SHQ1: variants seen among roughly 807,000 people sequenced by gnomAD.
The protein encoded by SHQ1 is protein SHQ1 homolog.
SHQ1 carries 49 observed loss-of-function variants against 53.8 expected under a neutral mutation model. That is an observed-to-expected ratio of 0.91 (90% CI 0.72 to 1.16). SHQ1 has a LOEUF of 1.16. Among genes scored for constraint, SHQ1 ranks in the 50% most tolerant of loss-of-function variants. The probability of loss-of-function intolerance (pLI) is 0.00; values close to 1 mark genes in which losing one functional copy is unlikely to be tolerated. For missense variants in SHQ1, 738 were observed against 683.1 expected, an observed-to-expected ratio of 1.08 and a Z score of -0.90; for synonymous variants, 243 against 251.0, an observed-to-expected ratio of 0.97 and a Z score of 0.30.
At chr3:72,806,323 A>C (rs1388094893) in intron 9 of SHQ1, among the ~76,000 whole-genome samples, 1 of 152,178 alleles carries the variant, frequency 6.6e-6, no homozygotes, top group East Asian at 1.9e-4. Flanking sequence ...TGGTATGTAA[A>C]ATGGTCAGCA....
intron 10 of SHQ1, among the ~76,000 whole-genome samples, chr3:72,788,499 AG>A (rs562730166): frequency 1.3e-5 from 2 of 148,194 alleles, no homozygotes; most frequent in Non-Finnish European, 3.0e-5. Flanking sequence ...TCCGGGAGGT[AG>A]GGGGGGCGCC....
the SHQ1 span, among the ~76,000 whole-genome samples, chr3:72,729,250 T>G: frequency 6.6e-6 from 1 of 152,196 alleles, no homozygotes; most frequent in Non-Finnish European, 1.5e-5. Context: ...CCCCAGGCTT[T>G]CCTCACCTGG....
chr3:72,811,199 G>T (rs1006846286), intron 9 of SHQ1, among the ~76,000 whole-genome samples: 2 of 152,150 alleles, frequency 1.3e-5, no homozygotes, highest in African/African-American at 4.8e-5. Context: ...GTGTGTGAGT[G>T]TGTGTGCAAA....
chr3:72,738,297 G>T, the SHQ1 span, among the ~76,000 whole-genome samples: 2 of 152,098 alleles, frequency 1.3e-5, no homozygotes, highest in Non-Finnish European at 2.9e-5. Flanking sequence ...ACGAGGCAAG[G>T]TAGAAGAAAG....
chr3:72,768,254 C>G (rs555057059), intron 10 of SHQ1, among the ~76,000 whole-genome samples: 27 of 152,348 alleles, frequency 1.8e-4, no homozygotes, highest in African/African-American at 6.5e-4. Flanking sequence ...AGAGCTGCCT[C>G]TGCTAGCTTT....
intron 6 of SHQ1, among the ~76,000 whole-genome samples, chr3:72,823,664 G>C (rs987575450): frequency 1.3e-5 from 2 of 152,186 alleles, no homozygotes; most frequent in Non-Finnish European, 2.9e-5. Context: ...GTACAAACCG[G>C]GTATACGTGA....
chr3:72,819,304 T>C (rs1009585786), intron 6 of SHQ1, among the ~76,000 whole-genome samples: 1 of 152,210 alleles, frequency 6.6e-6, no homozygotes, highest in African/African-American at 2.4e-5. Context: ...ATTGGATGGC[T>C]TGTCTTGTCA....
In SHQ1 at chr3:72,832,488, A is replaced by T; in HGVS notation, c.487-7T>A. ...TAACATCACTCAGTTCATCCTGAGG[A>T]CACCCAGAAAAGAAAGAATAATTGC... On this transcript the variant is annotated splice_polypyrimidine_tract_variant and splice_region_variant and intron_variant, in intron 4 of 10. Transcript: ENST00000325599. 4 of 1,565,138 alleles carry T rather than the reference A, an allele frequency of 2.6e-6. No homozygotes were observed. Among genetic ancestry groups the T allele is most frequent in the Non-Finnish European group, 3.5e-6 (4 of 1,151,964 alleles).
downstream of SHQ1, among the ~76,000 whole-genome samples, chr3:72,748,567 T>C (rs577150584): frequency 1.3e-5 from 2 of 152,100 alleles, no homozygotes; most frequent in African/African-American, 4.8e-5. Flanking sequence ...GGCACACATC[T>C]GTAGTCCCAG....
intron 5 of SHQ1, among the ~76,000 whole-genome samples, chr3:72,829,582 G>A (rs1575729805): frequency 6.6e-6 from 1 of 152,300 alleles, no homozygotes; most frequent in African/African-American, 2.4e-5. Flanking sequence ...TTTGAATTGA[G>A]AGCCACCTCA....
chr3:72,773,777 C>T (rs578075124), intron 10 of SHQ1, among the ~76,000 whole-genome samples: 1 of 152,330 alleles, frequency 6.6e-6, no homozygotes, highest in East Asian at 1.9e-4. Context: ...GACAGAAACA[C>T]ATGACTTACA....
rs914655076 is a variant in SHQ1 at position 72,788,870 on chromosome 3, T to C, written c.1181+4046A>G. ...AAGATGTGCTTTGTTAAACAGATGCTTGAAGGCAGCATACTCGTTAAGAGT... is the reference window on the plus strand; with the variant it reads ...AAGATGTGCTTTGTTAAACAGATGCCTGAAGGCAGCATACTCGTTAAGAGT... On this transcript the variant is annotated intron_variant, in intron 10 of 10. Coordinates refer to ENST00000325599, the MANE Select transcript of SHQ1 (RefSeq NM_018130.3). Among the ~76,000 whole-genome samples the C allele has an allele frequency of 2.6e-5, 4 of 152,246 alleles. No individual in the cohort carries two copies. The East Asian group carries it at 7.7e-4, about 29-fold the overall frequency.
chr3:72,781,850 T>A (rs1211579143), intron 10 of SHQ1, among the ~76,000 whole-genome samples: 5 of 152,172 alleles, frequency 3.3e-5, no homozygotes, highest in African/African-American at 7.2e-5. Flanking sequence ...TATAAAATAT[T>A]TATGAAGCTT....
chr3:72,790,284 C>T (rs1000587327), intron 10 of SHQ1, among the ~76,000 whole-genome samples: 2 of 152,128 alleles, frequency 1.3e-5, no homozygotes, highest in African/African-American at 4.8e-5. Flanking sequence ...ATAACTTCAT[C>T]GATTCAATGT....
the SHQ1 span, among the ~76,000 whole-genome samples, chr3:72,739,936 G>C: frequency 6.6e-6 from 1 of 152,200 alleles, no homozygotes; most frequent in African/African-American, 2.4e-5. Flanking sequence ...CAGCTGCTGG[G>C]AACAGGCCAG....
In SHQ1 at chr3:72,765,557, A is replaced by AT. The variant is rs61074795; in HGVS notation, c.1182-14722dup. Reference sequence around the variant, plus strand: ...TATATATATATATATATATATATATATTTTTTTTTTTTTTTTGAGACAGTC... The same window carrying AT: ...TATATATATATATATATATATATATATTTTTTTTTTTTTTTTTGAGACAGTC... On this transcript the variant is annotated intron_variant, in intron 10 of 10. Transcript: ENST00000325599. 1.1e-3 allele frequency among the ~76,000 whole-genome samples: 65 copies of AT among 57,180 alleles called. 1 individual carries two copies. The highest frequency in any genetic ancestry group is 4.9e-3 in the Admixed American group (22 of 4,524). The allele number at this position is 57,180 out of a possible 152,430, so 37.5% of individuals were successfully genotyped here.
intron 9 of SHQ1, among the ~76,000 whole-genome samples, chr3:72,802,832 C>T (rs1706830080): frequency 1.3e-5 from 2 of 152,102 alleles, no homozygotes; most frequent in South Asian, 4.2e-4. Context: ...ATCTCCTCCA[C>T]CCTGACCAGG....
At chr3:72,829,135 G>A (rs1707755999) in intron 5 of SHQ1, among the ~76,000 whole-genome samples, 1 of 152,044 alleles carries the variant, frequency 6.6e-6, no homozygotes, top group African/African-American at 2.4e-5. Context: ...ATGAATCCCC[G>A]CTTTCTAACC....
the SHQ1 span, among the ~76,000 whole-genome samples, chr3:72,728,845 C>T: frequency 6.6e-5 from 10 of 152,238 alleles, no homozygotes; most frequent in African/African-American, 2.4e-4. Context: ...GGGTTCACTA[C>T]AGGGCCACGC....
Sources: allele counts gnomAD v4.1 joint callset (sites outside exome capture counted in the v4.1 genomes callset), GRCh38; gene constraint gnomAD v4.1.1; transcripts MANE v1.5; gene names NCBI Gene and HGNC (gene_info 2026-07-23, HGNC 2026-07-21).